CDC42BPA: variants seen among roughly 807,000 people sequenced by gnomAD.
CDC42BPA encodes the protein serine/threonine-protein kinase MRCK alpha.
Under a neutral mutation model 223.5 loss-of-function variants are expected in CDC42BPA, and 80 were observed. The ratio of observed to expected loss-of-function variants is 0.36; its 90% CI spans 0.30 to 0.43. CDC42BPA has a LOEUF of 0.43. CDC42BPA is among the 20% of genes least tolerant of loss of function. CDC42BPA has a pLI of 1.00. For missense variants in CDC42BPA, 1,743 were observed against 2,099.9 expected (o/e 0.83, Z 3.32); for synonymous variants, 694 against 718.6 (o/e 0.97, Z 0.55).
chr1:227,139,801 G>A (rs41268741), intron 9 of CDC42BPA, 59 bp from the exon 10 acceptor site: 73,004 of 1,122,702 alleles, frequency 0.065, 2,707 homozygotes, highest in Non-Finnish European at 0.07. Context: ...GAAGAAAAAC[G>A]TTAACATTTT....
At chr1:227,053,365 A>G (rs1415556266) in intron 21 of CDC42BPA, among the ~76,000 whole-genome samples, 1 of 152,146 alleles carries the variant, frequency 6.6e-6, no homozygotes, top group African/African-American at 2.4e-5. Flanking sequence ...CAAAGCCACC[A>G]CCAGGCCATA....
intron 24 of CDC42BPA, among the ~76,000 whole-genome samples, chr1:227,039,106 G>A (rs1052391842): frequency 1.3e-5 from 2 of 152,064 alleles, no homozygotes; most frequent in African/African-American, 4.8e-5. Context: ...AAATCATTAG[G>A]CATCCACCTT....
At chr1:227,148,683 T>C (rs542104052) in intron 6 of CDC42BPA, among the ~76,000 whole-genome samples, 98 of 139,326 alleles carry the variant, frequency 7.0e-4, no homozygotes, top group African/African-American at 2.5e-3. Flanking sequence ...AGGAGAATGG[T>C]GTGAACCCGG....
In CDC42BPA at chr1:227,004,920, C is replaced by T. The variant is rs746031354; in HGVS notation, c.4975+74G>A. ...GCACACGTAAGTGAAGGACATGTCA[C>T]CCACGGGACAGGAGGGGAGGGAGCT... On this transcript the variant is annotated intron_variant, in intron 35 of 36. Coordinates refer to ENST00000366766, the MANE Select transcript of CDC42BPA (RefSeq NM_001394014.1). 1.8e-5 allele frequency: 18 copies of T among 981,548 alleles called. No individual in the cohort carries two copies. In the African/African-American group the frequency reaches 2.1e-4, roughly 11 times the overall value. The allele number at this position is 981,548 out of a possible 1,614,324, so 60.8% of individuals were successfully genotyped here. A position where few individuals can be genotyped will look rare whatever the true frequency, so the allele number is the denominator to read the frequency against.
chr1:227,248,536 A>G (rs1423395760), intron 2 of CDC42BPA, among the ~76,000 whole-genome samples: 1 of 152,232 alleles, frequency 6.6e-6, no homozygotes, highest in Non-Finnish European at 1.5e-5. Flanking sequence ...AAAATTAAAT[A>G]CCTAGGATTT....
intron 2 of CDC42BPA, among the ~76,000 whole-genome samples, chr1:227,217,316 G>A (rs1156659312): frequency 5.9e-5 from 9 of 151,666 alleles, no homozygotes; most frequent in Admixed American, 5.3e-4. Flanking sequence ...GTGTGGTGGC[G>A]GGCGCCTGTA....
chr1:227,172,072 A>G (rs527979011), intron 5 of CDC42BPA, among the ~76,000 whole-genome samples: 2 of 152,338 alleles, frequency 1.3e-5, no homozygotes, highest in South Asian at 4.1e-4. Context: ...ATACTGCATT[A>G]TATTAAAATG....
At chr1:227,286,315 T>C (rs553939801) in intron 1 of CDC42BPA, among the ~76,000 whole-genome samples, 2 of 152,230 alleles carry the variant, frequency 1.3e-5, no homozygotes, top group Non-Finnish European at 2.9e-5. Context: ...AGAAATTTCT[T>C]CTGCCAGTTA....
rs1030748049 is a variant in CDC42BPA at position 227,034,868 on chromosome 1, T to A, written c.3337-74A>T. The A allele has an allele frequency of 4.3e-5, 59 of 1,385,750 alleles. No individual in the cohort carries two copies. The African/African-American group carries it at 7.8e-4, about 18-fold the overall frequency. 85.8% of individuals were successfully genotyped at this position (1,385,750 alleles called of 1,614,324 possible). On this transcript the variant is annotated intron_variant, in intron 25 of 36. Transcript: ENST00000366766. ...ATATCCCTTAAATTACATATGTAAT[T>A]GCATGGTGAAGACCTACAGATAATG... is the stretch of plus-strand genomic sequence containing the variant.
At chr1:227,253,949 TAACA>T (rs1682612953) in intron 2 of CDC42BPA, 111 bp downstream of exon 2, 2 of 720,396 alleles carry the variant, frequency 2.8e-6, no homozygotes, top group South Asian at 3.1e-5. Flanking sequence ...AATCACAACT[TAACA>T]AATATTGTTT....
At chr1:227,182,013 A>G (rs1321552377) in intron 5 of CDC42BPA, among the ~76,000 whole-genome samples, 2 of 152,204 alleles carry the variant, frequency 1.3e-5, no homozygotes, top group South Asian at 2.1e-4. Flanking sequence ...GTAATTAAAT[A>G]TAAGGGGAAA....
At chr1:227,066,755 A>T (rs1277202728) in intron 21 of CDC42BPA, among the ~76,000 whole-genome samples, 1 of 152,250 alleles carries the variant, frequency 6.6e-6, no homozygotes, top group Admixed American at 6.5e-5. Flanking sequence ...CAGCTTATTA[A>T]AAGTAATAAG....
chr1:227,243,796 G>A (rs1395848843), intron 2 of CDC42BPA, among the ~76,000 whole-genome samples: 1 of 149,652 alleles, frequency 6.7e-6, no homozygotes, highest in Non-Finnish European at 1.5e-5. Flanking sequence ...ACACACACGT[G>A]TGCACATCTC....
intron 1 of CDC42BPA, among the ~76,000 whole-genome samples, chr1:227,280,086 T>G (rs1380762288): frequency 6.6e-6 from 1 of 152,094 alleles, no homozygotes; most frequent in Non-Finnish European, 1.5e-5. Flanking sequence ...TACAAAGTAC[T>G]GTACTAAATG....
chr1:227,296,820 A>G (rs567118169), intron 1 of CDC42BPA, among the ~76,000 whole-genome samples: 148 of 152,080 alleles, frequency 9.7e-4, no homozygotes, highest in South Asian at 4.4e-3. Context: ...AAAAAAAAAA[A>G]GGGACAAATT....
intron 15 of CDC42BPA, among the ~76,000 whole-genome samples, chr1:227,097,934 C>T (rs1304324): frequency 0.2 from 30,016 of 152,100 alleles, 3,061 homozygotes; most frequent in Middle Eastern, 0.26. Context: ...AAATCATACA[C>T]TTGAATCTCT....
chr1:227,020,767 T>C (rs1667211904), intron 32 of CDC42BPA, among the ~76,000 whole-genome samples: 2 of 152,240 alleles, frequency 1.3e-5, no homozygotes, highest in Admixed American at 6.5e-5. Flanking sequence ...ACTTTTCCTT[T>C]GCACTCATGA....
chr1:227,125,118 T>C (rs1571811398), intron 11 of CDC42BPA, among the ~76,000 whole-genome samples: 1 of 152,004 alleles, frequency 6.6e-6, no homozygotes, highest in East Asian at 1.9e-4. Flanking sequence ...GCCTGCTCTT[T>C]CTAGCCAAAG....
At chr1:227,226,772 G>C (rs1226866781) in intron 2 of CDC42BPA, among the ~76,000 whole-genome samples, 1 of 152,160 alleles carries the variant, frequency 6.6e-6, no homozygotes, top group Non-Finnish European at 1.5e-5. Context: ...TCAAGCTCAT[G>C]AGATGACAGA....
Sources: gnomAD v4.1 joint callset for allele counts (sites outside exome capture counted in the v4.1 genomes callset) on GRCh38, gnomAD v4.1.1 for gene constraint, MANE v1.5 for transcripts, NCBI Gene and HGNC (gene_info 2026-07-23, HGNC 2026-07-21) for gene names.